PLA2R1: variants seen among roughly 807,000 people sequenced by gnomAD.
PLA2R1 encodes secretory phospholipase A2 receptor.
A neutral mutation model predicts 195.9 loss-of-function variants in PLA2R1; 158 were observed. That is an observed-to-expected ratio of 0.81 (90% CI 0.71 to 0.92). The LOEUF is 0.92. PLA2R1 is among the 40% of genes least tolerant of loss of function. PLA2R1 has a pLI of 0.00. For synonymous variants in PLA2R1, 586 were observed against 598.2 expected (o/e 0.98, Z 0.30); for missense variants, 1,626 against 1,764.6 (o/e 0.92, Z 1.41).
At chr2:159,993,608 A>G (rs1024984407) in intron 11 of PLA2R1, among the ~76,000 whole-genome samples, 1 of 151,964 alleles carries the variant, frequency 6.6e-6, no homozygotes, top group Non-Finnish European at 1.5e-5. Context: ...CCTTGATGCA[A>G]TGGATGCTTC....
chr2:160,014,595 C>T (rs1432538331), intron 9 of PLA2R1, among the ~76,000 whole-genome samples: 1 of 152,100 alleles, frequency 6.6e-6, no homozygotes, highest in Non-Finnish European at 1.5e-5. Context: ...TATGCTATGC[C>T]AATTCTTGCC....
chr2:159,956,224 T>G (rs539479616), intron 21 of PLA2R1, among the ~76,000 whole-genome samples: 1 of 152,302 alleles, frequency 6.6e-6, no homozygotes, highest in South Asian at 2.1e-4. Context: ...AGATCATACT[T>G]TTTAGCCATT....
chr2:160,032,724 C>T (rs1395750138), intron 4 of PLA2R1, among the ~76,000 whole-genome samples: 1 of 152,194 alleles, frequency 6.6e-6, no homozygotes, highest in Admixed American at 6.5e-5. Flanking sequence ...GGGTCCCTTG[C>T]TGTGGCCTCA....
chr2:160,046,019 C>T (rs1461489205), intron 1 of PLA2R1, among the ~76,000 whole-genome samples: 1 of 152,252 alleles, frequency 6.6e-6, no homozygotes, highest in East Asian at 1.9e-4. Context: ...CTGGGGAATA[C>T]ATGTTAGCTG....
At position 159,951,527 on chromosome 2, in the gene PLA2R1, G is replaced by A. The variant is rs1433621342; in HGVS notation, c.3353C>T (p.Thr1118Ile). The A allele has an allele frequency of 1.9e-6, 3 of 1,605,398 alleles. No homozygotes were observed. Among genetic ancestry groups the A allele is most frequent in the Admixed American group, 1.7e-5 (1 of 60,016 alleles). Residue 1118 changes from threonine (T) to isoleucine (I), a missense_variant, in exon 24 of 30, where the codon ACC becomes ATC. Coordinates refer to ENST00000283243, the MANE Select transcript of PLA2R1 (RefSeq NM_007366.5). ...NTSDMYPMPNTLEYGNRTYKI... is the reference protein window; with the variant it reads ...NTSDMYPMPNILEYGNRTYKI... ...GTAAGTTCTGTTTCCATATTCTAAG[G>A]TATTGGGCATTGGATACATATCAGA...
chr2:160,043,739 T>C (rs1694690395), intron 2 of PLA2R1, among the ~76,000 whole-genome samples: 1 of 152,238 alleles, frequency 6.6e-6, no homozygotes, highest in South Asian at 2.1e-4. Flanking sequence ...TTCAGAACTG[T>C]AGATTATTCA....
intron 26 of PLA2R1, 76 bp from the exon 27 acceptor site, chr2:159,946,993 T>C: frequency 3.3e-6 from 3 of 920,014 alleles, no homozygotes; most frequent in Non-Finnish European, 5.0e-6. Flanking sequence ...TCCTATACTA[T>C]TAATTGTAAA....
intron 15 of PLA2R1, 71 bp downstream of exon 15, chr2:159,977,213 G>T: frequency 8.6e-7 from 1 of 1,169,348 alleles, no homozygotes; most frequent in Non-Finnish European, 1.2e-6. Flanking sequence ...GGTTTGGGGT[G>T]TTTAAATTGG....
chr2:160,020,872 CT>C (rs752878298), intron 7 of PLA2R1, among the ~76,000 whole-genome samples: 1 of 152,086 alleles, frequency 6.6e-6, no homozygotes. Context: ...TCCAGATCTG[CT>C]TGATATAGGC....
intron 1 of PLA2R1, among the ~76,000 whole-genome samples, chr2:160,048,492 T>C (rs933466546): frequency 3.9e-5 from 6 of 152,238 alleles, no homozygotes; most frequent in African/African-American, 1.2e-4. Context: ...ATAAATTCAC[T>C]GAAAAGAATT....
chr2:159,965,000 C>T (rs376798657), intron 20 of PLA2R1, among the ~76,000 whole-genome samples: 3 of 152,186 alleles, frequency 2.0e-5, no homozygotes, highest in African/African-American at 4.8e-5. Context: ...GCACTTCAGC[C>T]TGAGTGACAG....
chr2:160,013,251 A>G lies in PLA2R1; in HGVS notation c.1664+12T>C. Reference sequence around the variant, plus strand: ...AAGCCGTCTTGTTTCTGTTAAAAAAAGTTTAATTTACCTGTTTGTAATGGT... The same window carrying G: ...AAGCCGTCTTGTTTCTGTTAAAAAAGGTTTAATTTACCTGTTTGTAATGGT... On this transcript the variant is annotated intron_variant, in intron 10 of 29. Transcript: ENST00000283243. 7.2e-7 allele frequency: 1 copy of G among 1,396,556 alleles called. No individual in the cohort carries two copies. The highest frequency in any genetic ancestry group is 1.0e-6 in the Non-Finnish European group (1 of 984,916). The allele number at this position is 1,396,556 out of a possible 1,614,324, so 86.5% of individuals were successfully genotyped here.
chr2:160,047,767 G>T (rs942097088), intron 1 of PLA2R1, among the ~76,000 whole-genome samples: 8 of 150,862 alleles, frequency 5.3e-5, no homozygotes, highest in African/African-American at 2.0e-4. Context: ...GGGAATGGCT[G>T]GTCTGTGAAT....
chr2:159,932,044 T>C lies in PLA2R1; in HGVS notation c.*9734A>G, dbSNP rs984872763. 9 of 152,246 alleles carry C rather than the reference T, an allele frequency of 5.9e-5. No homozygotes were observed. The highest frequency in any genetic ancestry group is 1.3e-4 in the Non-Finnish European group (9 of 68,040). 9.4% of individuals were successfully genotyped at this position (152,246 alleles called of 1,614,324 possible). On this transcript the variant is annotated 3_prime_UTR_variant, in exon 30 of 30. Coordinates refer to ENST00000283243, the MANE Select transcript of PLA2R1 (RefSeq NM_007366.5). ...GTAACGTTAACTTTACTTATTAATA[T>C]GCAATTACAGATTATCTTCTAAAGC... is the stretch of plus-strand genomic sequence containing the variant.
intron 20 of PLA2R1, among the ~76,000 whole-genome samples, 156 bp from the exon 21 acceptor site, chr2:159,956,783 A>G (rs1324641925): frequency 6.6e-6 from 1 of 152,228 alleles, no homozygotes; most frequent in Non-Finnish European, 1.5e-5. Flanking sequence ...AAGGTGTTAC[A>G]GTAAAACAAA....
intron 13 of PLA2R1, among the ~76,000 whole-genome samples, chr2:159,983,115 G>A (rs188233730): frequency 6.6e-5 from 10 of 152,120 alleles, no homozygotes; most frequent in Non-Finnish European, 8.8e-5. Flanking sequence ...GAGTAGATTT[G>A]ATCTGTATTT....
chr2:159,977,433 T>G lies in PLA2R1; in HGVS notation c.2269-17A>C, dbSNP rs1356040858. 1.9e-6 allele frequency: 3 copies of G among 1,611,348 alleles called. No individual in the cohort carries two copies. The highest frequency in any genetic ancestry group is 2.5e-6 in the Non-Finnish European group (3 of 1,178,010). ...AGAGACAACCTGCAGCAGATGAAGT[T>G]CATTATTCCTTAATGATGATCCCCC... On this transcript the variant is annotated splice_polypyrimidine_tract_variant and intron_variant, in intron 14 of 29. Transcript: ENST00000283243.
chr2:159,929,850 A>ATT (rs1260988754), downstream of PLA2R1, among the ~76,000 whole-genome samples: 3 of 133,488 alleles, frequency 2.2e-5, no homozygotes, highest in South Asian at 6.2e-4. Flanking sequence ...TGTATTATAT[A>ATT]TTTGTGTGTG....
chr2:159,993,354 C>T (rs983344302), intron 11 of PLA2R1, among the ~76,000 whole-genome samples: 1 of 151,728 alleles, frequency 6.6e-6, no homozygotes, highest in Non-Finnish European at 1.5e-5. Context: ...GGAAATTTGG[C>T]ATGAAAGAAA....
Sources: allele counts gnomAD v4.1 joint callset (sites outside exome capture counted in the v4.1 genomes callset), GRCh38; gene constraint gnomAD v4.1.1; transcripts MANE v1.5; gene names NCBI Gene and HGNC (gene_info 2026-07-23, HGNC 2026-07-21).